PPL: variants seen among roughly 807,000 people sequenced by gnomAD.
The protein encoded by PPL is 190 kDa paraneoplastic pemphigus antigen.
PPL carries 198 observed loss-of-function variants against 194.4 expected under a neutral mutation model. The ratio of observed to expected loss-of-function variants is 1.02; its 90% CI spans 0.91 to 1.15. PPL has a LOEUF of 1.15. Among genes scored for constraint, PPL ranks in the 50% most tolerant of loss-of-function variants. The pLI, the probability that PPL is intolerant of heterozygous loss-of-function variation, is 0.00. For missense variants in PPL, 2,885 were observed against 2,294.8 expected (o/e 1.26, Z -5.25); for synonymous variants, 1,220 against 972.4 (o/e 1.25, Z -4.74).
At chr16:4,910,998 G>GACACA in intron 1 of PPL, 49 bp from the exon 2 acceptor site, 11 of 1,499,378 alleles carry the variant, frequency 7.3e-6, no homozygotes, top group Non-Finnish European at 1.0e-5. Context: ...GGTGGGTGGG[G>GACACA]GCTATGTCCC....
chr16:4,923,780 G>C (rs1214024296), intron 1 of PPL, among the ~76,000 whole-genome samples: 1 of 152,148 alleles, frequency 6.6e-6, no homozygotes, highest in Non-Finnish European at 1.5e-5. Flanking sequence ...AATTCAAGGA[G>C]ATAACCCTTA....
intron 1 of PPL, among the ~76,000 whole-genome samples, chr16:4,913,103 C>A (rs2088852555): frequency 1.3e-5 from 2 of 149,056 alleles, no homozygotes; most frequent in Non-Finnish European, 1.5e-5. Flanking sequence ...GACTCCATCT[C>A]GAAAAAAAAA....
intron 1 of PPL, among the ~76,000 whole-genome samples, chr16:4,914,158 C>T (rs1188115051): frequency 2.0e-5 from 3 of 152,120 alleles, no homozygotes; most frequent in Non-Finnish European, 4.4e-5. Context: ...CAGGTCCTGG[C>T]ACGTCCCGTG....
rs145145707 is a variant in PPL, at chr16:4,922,414, C to T, written c.63-11465G>A. Among the ~76,000 whole-genome samples the T allele has an allele frequency of 2.4e-3, 363 of 152,304 alleles. 1 individual carries two copies. The highest frequency in any genetic ancestry group is 8.2e-3 in the African/African-American group (342 of 41,572). On this transcript the variant is annotated intron_variant, in intron 1 of 21. Coordinates refer to ENST00000345988, the MANE Select transcript of PPL (RefSeq NM_002705.5). ...TGGTGGCTCATGCCTGTAATCCCAG[C>T]ACTTTGGGAGGCTGAGGTGGGCAGA...
chr16:4,928,870 G>A (rs532984512), intron 1 of PPL, among the ~76,000 whole-genome samples: 1 of 152,078 alleles, frequency 6.6e-6, no homozygotes, highest in East Asian at 1.9e-4. Context: ...ATATAGCCAG[G>A]CGTGGTGGTG....
intron 8 of PPL, among the ~76,000 whole-genome samples, chr16:4,898,366 G>A (rs1000597514): frequency 1.1e-4 from 16 of 152,168 alleles, no homozygotes; most frequent in African/African-American, 3.9e-4. Context: ...CAACAACAGC[G>A]AAACTCCATC....
At chr16:4,928,960 C>G (rs150472164) in intron 1 of PPL, among the ~76,000 whole-genome samples, 1,379 of 129,260 alleles carry the variant, frequency 0.011, 23 homozygotes, top group African/African-American at 0.039. Flanking sequence ...TTGCAGTGAG[C>G]TGAGATTGTG....
chr16:4,908,716 T>C (rs941618279), intron 2 of PPL, among the ~76,000 whole-genome samples: 2 of 95,196 alleles, frequency 2.1e-5, no homozygotes, highest in African/African-American at 7.7e-5. Context: ...ATTTTTCATA[T>C]TTTTTGTAGA....
intron 16 of PPL, 112 bp from the exon 17 acceptor site, chr16:4,891,033 CAGGT>C (rs1478142645): frequency 9.7e-6 from 9 of 928,534 alleles, no homozygotes; most frequent in South Asian, 3.9e-5. Flanking sequence ...GGCAAGGCCA[CAGGT>C]AGGAAGGACC....
At chr16:4,921,574 C>G (rs1356677633) in intron 1 of PPL, among the ~76,000 whole-genome samples, 1 of 152,024 alleles carries the variant, frequency 6.6e-6, no homozygotes. Context: ...TCAAGCAATT[C>G]TCGTGCCTCA....
chr16:4,932,961 C>T (rs531258655), intron 1 of PPL, among the ~76,000 whole-genome samples: 1 of 151,738 alleles, frequency 6.6e-6, no homozygotes, highest in Non-Finnish European at 1.5e-5. Context: ...GAGCTGCGGC[C>T]TGAACTCATG....
At position 4,902,531 on chromosome 16, in the gene PPL, T is replaced by G. The variant is rs778699323; in HGVS notation, c.318-5A>C. The G allele has an allele frequency of 1.2e-6, 2 of 1,612,946 alleles. No homozygotes were observed. The highest frequency in any genetic ancestry group is 1.7e-6 in the Non-Finnish European group (2 of 1,179,416). On this transcript the variant is annotated splice_region_variant and splice_polypyrimidine_tract_variant and intron_variant, in intron 3 of 21. Transcript: ENST00000345988. The surrounding 1 kb of genome is among the most constrained non-coding windows in gnomAD (Gnocchi z 4.0). The stretch of plus-strand genomic sequence containing the variant: ...CGCTCCTTCAGCTGGCGGATACTGA[T>G]GGGAGAGAGGCTCCCACTTAGTGGG...
chr16:4,932,316 A>C (rs2089235140), intron 1 of PPL, among the ~76,000 whole-genome samples: 1 of 152,032 alleles, frequency 6.6e-6, no homozygotes, highest in Non-Finnish European at 1.5e-5. Context: ...TCCCATATCG[A>C]TCAGGCGTTC....
intron 19 of PPL, chr16:4,888,653 C>G: frequency 2.7e-6 from 1 of 372,116 alleles, no homozygotes; most frequent in South Asian, 5.4e-5. Context: ...CCAGTCCTTT[C>G]CAGCGTACTA....
chr16:4,917,685 G>A (rs1005703609), intron 1 of PPL, among the ~76,000 whole-genome samples: 4 of 152,148 alleles, frequency 2.6e-5, no homozygotes, highest in African/African-American at 9.7e-5. Flanking sequence ...CAGATCGCTT[G>A]AGACCAGGAG....
In PPL at chr16:4,902,611, C is replaced by T. The variant is rs2088598597; in HGVS notation, c.318-85G>A. 6.6e-7 allele frequency: 1 copy of T among 1,510,836 alleles called. No individual in the cohort carries two copies. Among genetic ancestry groups the T allele is most frequent in the East Asian group, 2.3e-5 (1 of 42,940 alleles). The allele number at this position is 1,510,836 out of a possible 1,614,324, so 93.6% of individuals were successfully genotyped here. On this transcript the variant is annotated intron_variant, in intron 3 of 21. Transcript: ENST00000345988. This position sits in a 1 kb window ranked among gnomAD's most constrained non-coding sequence, Gnocchi z 4.0. ...GGGCCCCCCACCCAGACCCCGGCCT[C>T]AGTGTCCTGGAAGGACACAGTGACC...
chr16:4,889,219 A>T, intron 18 of PPL, among the ~76,000 whole-genome samples, 158 bp from the exon 19 acceptor site: 1 of 37,576 alleles, frequency 2.7e-5, no homozygotes, highest in Non-Finnish European at 7.4e-5. Context: ...TCATTGCAAA[A>T]GGCAGTTTTT....
rs760945396 is a variant in PPL, at chr16:4,893,321, C to T, written c.1542G>A (p.Val514=). 10 of 1,608,376 alleles carry T rather than the reference C, an allele frequency of 6.2e-6. No individual in the cohort carries two copies. The highest frequency in any genetic ancestry group is 1.3e-5 in the African/African-American group (1 of 74,912). ...GRQLLAGLDK[V]ASDLDRQEKA... ...TCTCCTGCCGGTCCAGGTCGCTGGC[C>T]ACCTTGTCCAAGCCAGCCAGCAGCT... The change falls in exon 14 of 22, where the codon GTG becomes GTA. Residue 514 remains valine (V), a synonymous_variant. Coordinates refer to ENST00000345988, the MANE Select transcript of PPL (RefSeq NM_002705.5).
intron 2 of PPL, among the ~76,000 whole-genome samples, chr16:4,905,255 T>C (rs13335236): frequency 0.084 from 12,766 of 152,206 alleles, 580 homozygotes; most frequent in African/African-American, 0.1. Flanking sequence ...AAATACCACT[T>C]AGCAACAAAG....
Sources: gnomAD v4.1 joint callset for allele counts (sites outside exome capture counted in the v4.1 genomes callset) on GRCh38, gnomAD v4.1.1 for gene constraint, Gnocchi (gnomAD v3.1) non-coding constraint, MANE v1.5 for transcripts, NCBI Gene and HGNC (gene_info 2026-07-23, HGNC 2026-07-21) for gene names.